ATP8A2: variants seen among roughly 807,000 people sequenced by gnomAD.
The protein encoded by ATP8A2 is phospholipid-transporting ATPase IB.
In ATP8A2, 100 loss-of-function variants were observed where a neutral mutation model predicts 165.6. The observed-to-expected ratio is 0.60, with a 90% CI of 0.51 to 0.71. The LOEUF (loss-of-function observed/expected upper bound fraction) is 0.71, where lower values mean the gene tolerates loss of function less well. Ranked by LOEUF, ATP8A2 falls within the 30% of genes least tolerant of loss-of-function variation. ATP8A2 has a pLI of 0.00. For synonymous variants in ATP8A2, 543 were observed against 548.8 expected (o/e 0.99, Z 0.15); for missense variants, 1,227 against 1,479.5 (o/e 0.83, Z 2.80).
intron 33 of ATP8A2, among the ~76,000 whole-genome samples, chr13:25,895,831 A>C (rs190399871): frequency 1.3e-5 from 2 of 152,138 alleles, no homozygotes; most frequent in African/African-American, 4.8e-5. Flanking sequence ...AGAGGTGTTT[A>C]TAGTATTCTC....
intron 2 of ATP8A2, among the ~76,000 whole-genome samples, chr13:25,493,666 C>T (rs1318536499): frequency 2.0e-5 from 3 of 152,104 alleles, no homozygotes; most frequent in Non-Finnish European, 4.4e-5. Context: ...TGGTAGACAT[C>T]CAAGCTGGGG....
intron 36 of ATP8A2, among the ~76,000 whole-genome samples, chr13:26,013,541 G>A (rs1956893843): frequency 6.6e-6 from 1 of 152,160 alleles, no homozygotes; most frequent in African/African-American, 2.4e-5. Context: ...GGGCGTGACG[G>A]CACATGCCTG....
chr13:25,533,460 C>G (rs2038181640), intron 6 of ATP8A2, 147 bp downstream of exon 6: 1 of 498,534 alleles, frequency 2.0e-6, no homozygotes, highest in South Asian at 3.2e-5. Flanking sequence ...TTTACTCCTT[C>G]CCTTGCACCT....
At chr13:25,539,973 G>T (rs913449591) in intron 7 of ATP8A2, among the ~76,000 whole-genome samples, 1 of 152,180 alleles carries the variant, frequency 6.6e-6, no homozygotes, top group African/African-American at 2.4e-5. Context: ...CCCAGCCCCA[G>T]ACTTGAAGGA....
chr13:25,782,705 T>C (rs2044912301), intron 27 of ATP8A2, among the ~76,000 whole-genome samples: 2 of 152,244 alleles, frequency 1.3e-5, no homozygotes, highest in Non-Finnish European at 2.9e-5. Flanking sequence ...GTAAATGCTA[T>C]GTAAATAGTT....
chr13:25,591,159 GTAAATTGT>G, intron 24 of ATP8A2: 18 of 405,942 alleles, frequency 4.4e-5, no homozygotes, highest in Non-Finnish European at 6.5e-5. Context: ...GTGTGTGTGT[GTAAATTGT>G]TGTGAAATAC....
chr13:25,882,800 C>A (rs1953019172), intron 33 of ATP8A2, among the ~76,000 whole-genome samples: 1 of 151,988 alleles, frequency 6.6e-6, no homozygotes, highest in African/African-American at 2.4e-5. Flanking sequence ...GCCACAAATC[C>A]CAAGCGTCTA....
intron 35 of ATP8A2, among the ~76,000 whole-genome samples, chr13:25,997,999 A>G (rs1454223978): frequency 1.3e-5 from 2 of 152,204 alleles, no homozygotes; most frequent in East Asian, 3.9e-4. Context: ...TTTTCAAATG[A>G]AACCTGGACA....
chr13:25,401,576 A>G (rs1400753816), intron 1 of ATP8A2, among the ~76,000 whole-genome samples: 1 of 152,110 alleles, frequency 6.6e-6, no homozygotes, highest in East Asian at 1.9e-4. Flanking sequence ...AGCAATGAAT[A>G]CAATCAGGTT....
rs370753584 is a variant in ATP8A2, at chr13:25,792,720, T to C, written c.2679+17761T>C. Among the ~76,000 whole-genome samples the C allele has an allele frequency of 5.3e-5, 8 of 151,652 alleles. No individual in the cohort carries two copies. The South Asian group carries it at 1.0e-3, about 20-fold the overall frequency. On this transcript the variant is annotated intron_variant, in intron 27 of 36. Transcript: ENST00000381655. ...CAGCCTAGGCGTTCAAGAGCAGTGT[T>C]GGCAACAAAGTGAGACCTCATCTCT...
intron 1 of ATP8A2, among the ~76,000 whole-genome samples, chr13:25,423,623 C>T (rs949732755): frequency 7.9e-5 from 12 of 152,120 alleles, no homozygotes; most frequent in African/African-American, 2.7e-4. Context: ...TATCATCAGT[C>T]TTTTTAGGTT....
At chr13:25,844,266 T>C (rs1333838584) in intron 30 of ATP8A2, among the ~76,000 whole-genome samples, 1 of 152,076 alleles carries the variant, frequency 6.6e-6, no homozygotes, top group East Asian at 1.9e-4. Flanking sequence ...AGTCCCATTC[T>C]GTCTCCCAGG....
At chr13:25,653,813 T>G (rs1336462981) in intron 24 of ATP8A2, among the ~76,000 whole-genome samples, 1 of 152,128 alleles carries the variant, frequency 6.6e-6, no homozygotes, top group African/African-American at 2.4e-5. Flanking sequence ...TTCCAACTTT[T>G]CAGGCAGAGG....
At chr13:25,532,897 C>T (rs1488317516) in intron 5 of ATP8A2, among the ~76,000 whole-genome samples, 2 of 152,170 alleles carry the variant, frequency 1.3e-5, no homozygotes, top group Middle Eastern at 3.2e-3. Flanking sequence ...AACTTCTGGG[C>T]TCAAGCAGTC....
At chr13:25,730,572 T>C (rs1443948316) in intron 25 of ATP8A2, among the ~76,000 whole-genome samples, 1 of 152,218 alleles carries the variant, frequency 6.6e-6, no homozygotes, top group Non-Finnish European at 1.5e-5. Context: ...ACAAGTAGTA[T>C]CCATTGCTGA....
At chr13:25,454,036 G>A (rs886424519) in intron 1 of ATP8A2, among the ~76,000 whole-genome samples, 10 of 152,200 alleles carry the variant, frequency 6.6e-5, no homozygotes, top group Non-Finnish European at 1.5e-4. Context: ...TGAGCGGTAG[G>A]ATGGTTAGTC....
chr13:25,809,430 T>C (rs1055614182), intron 27 of ATP8A2, among the ~76,000 whole-genome samples: 3 of 152,206 alleles, frequency 2.0e-5, no homozygotes, highest in African/African-American at 7.2e-5. Flanking sequence ...AGCTGTTGAT[T>C]CTTTCATCTC....
Position 26,024,021 on chromosome 13 carries a change from A to ATGTAAATGTTATATCATGTAAATGTGT in ATP8A2, c.*4037_*4038insGTAAATGTTATATCATGTAAATGTGTT, listed in dbSNP as rs1406069909. The ATGTAAATGTTATATCATGTAAATGTGT allele has an allele frequency of 6.6e-6, 1 of 152,226 alleles. No homozygotes were observed. The highest frequency in any genetic ancestry group is 1.9e-4 in the East Asian group (1 of 5,196). 9.4% of individuals were successfully genotyped at this position (152,226 alleles called of 1,614,324 possible). ...TCTTCATGTAAATGTTTATACGGGC[A>ATGTAAATGTTATATCATGTAAATGTGT]TATATAATCACAATGGGAACAGTTA... On this transcript the variant is annotated 3_prime_UTR_variant, in exon 37 of 37. Coordinates refer to ENST00000381655, the MANE Select transcript of ATP8A2 (RefSeq NM_016529.6).
At chr13:25,598,566 GTCAAA>G (rs2040299282) in intron 24 of ATP8A2, among the ~76,000 whole-genome samples, 1 of 152,066 alleles carries the variant, frequency 6.6e-6, no homozygotes, top group Non-Finnish European at 1.5e-5. Context: ...ACTTGTGCAC[GTCAAA>G]TTTGCTTTTT....
Sources: allele counts gnomAD v4.1 joint callset (sites outside exome capture counted in the v4.1 genomes callset), GRCh38; gene constraint gnomAD v4.1.1; transcripts MANE v1.5; gene names NCBI Gene and HGNC (gene_info 2026-07-23, HGNC 2026-07-21).